The following ZNF362 variants were observed in gnomAD, a reference collection of about 807,000 sequenced individuals.
ZNF362 encodes zinc finger protein 362.
ZNF362 carries 11 observed loss-of-function variants against 42.9 expected under a neutral mutation model. That is an observed-to-expected ratio of 0.26 (90% CI 0.16 to 0.42). The LOEUF is 0.42. Ranked by LOEUF, ZNF362 falls within the 20% of genes least tolerant of loss-of-function variation. The pLI is 1.00. For synonymous variants in ZNF362, 255 were observed against 257.3 expected (o/e 0.99, Z 0.09); for missense variants, 362 against 576.2 (o/e 0.63, Z 3.81).
At chr1:33,285,985 C>T (rs986843739) in intron 6 of ZNF362, among the ~76,000 whole-genome samples, 2 of 152,150 alleles carry the variant, frequency 1.3e-5, no homozygotes, top group Non-Finnish European at 2.9e-5. Flanking sequence ...ATCATTTGAA[C>T]CTGGGAGGCG....
chr1:33,267,254 C>T (rs988524546), intron 1 of ZNF362, among the ~76,000 whole-genome samples: 5 of 152,254 alleles, frequency 3.3e-5, no homozygotes, highest in South Asian at 2.1e-4. Flanking sequence ...CCAGGCCTAT[C>T]GCCCCATCAG....
chr1:33,276,211 C>T, intron 3 of ZNF362, 48 bp downstream of exon 3: 1 of 1,607,570 alleles, frequency 6.2e-7, no homozygotes. Flanking sequence ...CTTGGCGCTG[C>T]TTCGCTTCCC....
chr1:33,249,900 C>G, the ZNF362 span, among the ~76,000 whole-genome samples: 1 of 152,186 alleles, frequency 6.6e-6, no homozygotes, highest in Non-Finnish European at 1.5e-5. Flanking sequence ...TTTGCAGAGA[C>G]AGGAAGAAAC....
chr1:33,296,788 G>A (rs1646127613), intron 8 of ZNF362, among the ~76,000 whole-genome samples: 1 of 151,630 alleles, frequency 6.6e-6, no homozygotes, highest in South Asian at 2.1e-4. Flanking sequence ...TTTTCAGGTG[G>A]AATGGGAAGC....
chr1:33,270,512 G>T lies in ZNF362; in HGVS notation c.-63G>T. 1.1e-6 allele frequency: 1 copy of T among 941,950 alleles called. No homozygotes were observed. The highest frequency in any genetic ancestry group is 1.4e-5 in the South Asian group (1 of 73,708). The allele number at this position is 941,950 out of a possible 1,614,324, so 58.3% of individuals were successfully genotyped here. On this transcript the variant is annotated 5_prime_UTR_variant, in exon 2 of 9. Coordinates refer to ENST00000539719, the MANE Select transcript of ZNF362 (RefSeq NM_152493.3). Reference sequence around the variant, plus strand: ...GTGCTGTTGGGAACACAGAGGAAGTGACTGGCTGGGGGTTCAGGGAAAGCT... The same window carrying T: ...GTGCTGTTGGGAACACAGAGGAAGTTACTGGCTGGGGGTTCAGGGAAAGCT...
intron 1 of ZNF362, among the ~76,000 whole-genome samples, chr1:33,263,282 A>G (rs1645841457): frequency 1.3e-5 from 2 of 152,062 alleles, no homozygotes; most frequent in African/African-American, 4.8e-5. Context: ...ATTCACTAGT[A>G]TTTCTTGAGC....
At chr1:33,285,932 G>A (rs556544984) in intron 6 of ZNF362, among the ~76,000 whole-genome samples, 11 of 152,220 alleles carry the variant, frequency 7.2e-5, no homozygotes, top group East Asian at 1.9e-4. Context: ...GTGTGGTGGC[G>A]GGTGCCTGTA....
At chr1:33,274,431 G>GACA (rs1294096253) in intron 2 of ZNF362, among the ~76,000 whole-genome samples, 2 of 152,226 alleles carry the variant, frequency 1.3e-5, no homozygotes, top group East Asian at 3.8e-4. Flanking sequence ...TTTCGAGTTT[G>GACA]TTCTGGGAAA....
At chr1:33,181,758 A>T in the ZNF362 span, 2 of 313,208 alleles carry the variant, frequency 6.4e-6, no homozygotes, top group Non-Finnish European at 1.2e-5. This position sits in a 1 kb window ranked among gnomAD's most constrained non-coding sequence, Gnocchi z 6.5. Context: ...GGGCAGTCCT[A>T]AGGGATAGGA....
chr1:33,256,904 G>C (rs1254426307), intron 1 of ZNF362, among the ~76,000 whole-genome samples: 1 of 149,766 alleles, frequency 6.7e-6, no homozygotes, highest in African/African-American at 2.5e-5. Context: ...TGGTCTCCGA[G>C]TGTGTGTGCG....
chr1:33,243,093 A>T, the ZNF362 span, among the ~76,000 whole-genome samples: 1 of 149,648 alleles, frequency 6.7e-6, no homozygotes, highest in South Asian at 2.1e-4. Flanking sequence ...ATATTACCAA[A>T]TCACCACAAC....
the ZNF362 span, among the ~76,000 whole-genome samples, chr1:33,177,076 CACAT>C: frequency 2.9e-4 from 37 of 125,812 alleles, no homozygotes; most frequent in Admixed American, 8.7e-4. The surrounding 1 kb of genome is among the most constrained non-coding windows in gnomAD (Gnocchi z 4.1). Context: ...TGCACACACA[CACAT>C]GCATGCACAA....
the ZNF362 span, among the ~76,000 whole-genome samples, chr1:33,198,399 C>T: frequency 3.9e-5 from 6 of 152,110 alleles, no homozygotes; most frequent in Non-Finnish European, 8.8e-5. Flanking sequence ...GGCATGGTGG[C>T]TCATGCCTGT....
At chr1:33,230,103 A>G in the ZNF362 span, among the ~76,000 whole-genome samples, 3 of 152,184 alleles carry the variant, frequency 2.0e-5, no homozygotes, top group Non-Finnish European at 4.4e-5. Flanking sequence ...CTATTTTGAA[A>G]AAAACCTATA....
At chr1:33,203,332 A>G in the ZNF362 span, among the ~76,000 whole-genome samples, 3 of 152,126 alleles carry the variant, frequency 2.0e-5, no homozygotes, top group South Asian at 6.2e-4. Context: ...ATGATATTCC[A>G]TCATATATGT....
chr1:33,236,696 G>A, the ZNF362 span, among the ~76,000 whole-genome samples: 1 of 150,052 alleles, frequency 6.7e-6, no homozygotes, highest in East Asian at 1.9e-4. Flanking sequence ...GACACTCAAT[G>A]TTTTCACCAC....
the ZNF362 span, among the ~76,000 whole-genome samples, chr1:33,244,589 A>G: frequency 1.7e-4 from 26 of 152,170 alleles, no homozygotes; most frequent in Non-Finnish European, 2.9e-4. The surrounding 1 kb of genome is among the most constrained non-coding windows in gnomAD (Gnocchi z 4.0). Flanking sequence ...CTCTGATGCC[A>G]CCCTTTGTGG....
the ZNF362 span, among the ~76,000 whole-genome samples, chr1:33,211,872 C>T: frequency 1.3e-5 from 2 of 152,084 alleles, no homozygotes; most frequent in Non-Finnish European, 2.9e-5. Context: ...TCAGGTACAC[C>T]AATCCAAAGG....
chr1:33,231,515 C>A, the ZNF362 span, among the ~76,000 whole-genome samples: 7 of 152,128 alleles, frequency 4.6e-5, no homozygotes, highest in Non-Finnish European at 8.8e-5. Context: ...CCTGTGGAAT[C>A]CACAGTCCCC....
Sources: allele counts gnomAD v4.1 joint callset (sites outside exome capture counted in the v4.1 genomes callset), GRCh38; gene constraint gnomAD v4.1.1; non-coding constraint Gnocchi (gnomAD v3.1); transcripts MANE v1.5; gene names NCBI Gene and HGNC (gene_info 2026-07-23, HGNC 2026-07-21).